The following EMC3 variants were observed in gnomAD, a reference collection of about 807,000 sequenced individuals.
EMC3 encodes the protein ER membrane protein complex subunit 3, also known as 30 kDa protein.
EMC3 carries 13 observed loss-of-function variants against 36.6 expected under a neutral mutation model. The ratio of observed to expected loss-of-function variants is 0.35; its 90% CI spans 0.23 to 0.56. EMC3 has a LOEUF of 0.56. Among genes scored for constraint, EMC3 ranks in the 20% least tolerant of loss-of-function variants. The probability of loss-of-function intolerance (pLI) is 0.84; values close to 1 mark genes in which losing one functional copy is unlikely to be tolerated. For missense variants in EMC3, 220 were observed against 324.5 expected (o/e 0.68, Z 2.47); for synonymous variants, 120 against 111.9 (o/e 1.07, Z -0.46).
intron 1 of EMC3, among the ~76,000 whole-genome samples, chr3:10,001,787 G>A (rs1015192377): frequency 6.6e-6 from 1 of 152,032 alleles, no homozygotes; most frequent in Non-Finnish European, 1.5e-5. Context: ...CACGAGTTCA[G>A]GAGACTGAGA....
At chr3:10,001,597 C>T (rs1047179084) in intron 1 of EMC3, among the ~76,000 whole-genome samples, 2 of 150,152 alleles carry the variant, frequency 1.3e-5, no homozygotes, top group Non-Finnish European at 3.0e-5. Context: ...AACAATTTGT[C>T]ACATATATGA....
Position 9,972,932 on chromosome 3 carries a change from C to A in EMC3, c.494+696G>T, listed in dbSNP as rs181964084. Among the ~76,000 whole-genome samples, 226 of 133,412 alleles carry A rather than the reference C, an allele frequency of 1.7e-3. No homozygotes were observed. In the Middle Eastern group the frequency reaches 0.042, roughly 25 times the overall value. The allele number at this position is 133,412 out of a possible 152,430, so 87.5% of individuals were successfully genotyped here. On this transcript the variant is annotated intron_variant, in intron 5 of 7. Coordinates refer to ENST00000245046, the MANE Select transcript of EMC3 (RefSeq NM_001394674.1). ...CAAGCTCCGCCTCCTGGGTTCATGC[C>A]ATTCTCCTGCCTCAGCCTCCTGAGT...
At chr3:9,996,793 G>T (rs1196773364) in intron 1 of EMC3, among the ~76,000 whole-genome samples, 1 of 152,094 alleles carries the variant, frequency 6.6e-6, no homozygotes, top group East Asian at 1.9e-4. Context: ...GATGTTCTGA[G>T]AATTTACAAA....
rs13061757 is a variant in EMC3, at chr3:9,964,010, A to T, written c.*59T>A. The T allele has an allele frequency of 0.017, 26,351 of 1,593,956 alleles. 324 individuals are homozygous for T. The highest frequency in any genetic ancestry group is 0.017 in the Non-Finnish European group (20,441 of 1,169,418). ...ATTTCAAGAGGTGCCAGCTCCAAAC[A>T]AAGTTACAAGGTTAAGTGCAACTCC... On this transcript the variant is annotated 3_prime_UTR_variant, in exon 8 of 8. Transcript: ENST00000245046.
chr3:9,962,950 C>G lies in EMC3; in HGVS notation c.*1119G>C, dbSNP rs1050010193. 5.3e-5 allele frequency: 8 copies of G among 152,100 alleles called. No homozygotes were observed. Among genetic ancestry groups the G allele is most frequent in the Admixed American group, 2.0e-4 (3 of 15,254 alleles). The allele number at this position is 152,100 out of a possible 1,614,324, so 9.4% of individuals were successfully genotyped here. A position where few individuals can be genotyped will look rare whatever the true frequency, so the allele number is the denominator to read the frequency against. ...CCTTCATCCAAAGGAGTAGCCATTT[C>G]CAGTATAGCACCACTGATTTGTCAA... On this transcript the variant is annotated 3_prime_UTR_variant, in exon 8 of 8. Transcript: ENST00000245046.
rs61596273 is a variant in EMC3, at chr3:9,963,477, A to ATATATATATTTT, written c.*591_*592insAAAATATATATA. 1.2e-3 allele frequency: 110 copies of ATATATATATTTT among 88,868 alleles called. No individual in the cohort carries two copies. Among genetic ancestry groups the ATATATATATTTT allele is most frequent in the Non-Finnish European group, 1.9e-3 (86 of 46,230 alleles). The allele number at this position is 88,868 out of a possible 1,614,324, so 5.5% of individuals were successfully genotyped here. ...TAGATATATATATATATATATATAT[A>ATATATATATTTT]TTTTTTTTTTTTTTTCAGATGGAGT... On this transcript the variant is annotated 3_prime_UTR_variant, in exon 8 of 8. Transcript: ENST00000245046.
At chr3:10,009,523 T>C (rs2086301348) in intron 1 of EMC3, among the ~76,000 whole-genome samples, 1 of 152,158 alleles carries the variant, frequency 6.6e-6, no homozygotes, top group Non-Finnish European at 1.5e-5. Context: ...GAATTCTTCC[T>C]GAAAAAGGTG....
At chr3:10,002,307 G>GTT (rs1553604640) in intron 1 of EMC3, among the ~76,000 whole-genome samples, 2 of 93,948 alleles carry the variant, frequency 2.1e-5, no homozygotes, top group African/African-American at 1.1e-4. Context: ...ATTTTATTTT[G>GTT]AGATAGTGTC....
chr3:9,992,452 T>A lies in EMC3; in HGVS notation c.-241-5550A>T, dbSNP rs541138957. On this transcript the variant is annotated intron_variant, in intron 1 of 8. Transcript: ENST00000470827. ...GGCTTATCCTTTTTGATGACTATAA[T>A]ATTTCAAAAATTAAAATTACTCCAT... Among the ~76,000 whole-genome samples, 4 of 152,320 alleles carry A rather than the reference T, an allele frequency of 2.6e-5. No homozygotes were observed. The South Asian group carries it at 6.2e-4, about 24-fold the overall frequency.
At chr3:9,997,508 G>A (rs2086141378) in intron 1 of EMC3, among the ~76,000 whole-genome samples, 1 of 152,138 alleles carries the variant, frequency 6.6e-6, no homozygotes, top group Non-Finnish European at 1.5e-5. Context: ...CCCCCACGCT[G>A]GAGCGCAGTG....
At chr3:9,982,294 G>A (rs780007268) in intron 1 of EMC3, among the ~76,000 whole-genome samples, 2 of 148,162 alleles carry the variant, frequency 1.3e-5, no homozygotes, top group Non-Finnish European at 3.0e-5. Context: ...TTGCTCTGCC[G>A]CCTAGGCTGG....
chr3:9,971,496 G>A (rs2085784743), intron 5 of EMC3, among the ~76,000 whole-genome samples: 1 of 152,164 alleles, frequency 6.6e-6, no homozygotes, highest in Admixed American at 6.5e-5. Flanking sequence ...TACTCCATAG[G>A]CTGCAGGTAA....
chr3:10,008,403 C>T (rs1235606340), intron 1 of EMC3: 2 of 1,367,492 alleles, frequency 1.5e-6, no homozygotes, highest in African/African-American at 3.0e-5. Flanking sequence ...CAAGTGTCTA[C>T]CTGGGCCGGC....
chr3:9,987,072 A>G (rs1018694627), upstream of EMC3: 1 of 905,028 alleles, frequency 1.1e-6, no homozygotes, highest in East Asian at 1.1e-4. Context: ...AAAATTAGCC[A>G]GGCGTGGTGG....
At chr3:10,004,564 T>C (rs940885878) in intron 1 of EMC3, 2 of 152,408 alleles carry the variant, frequency 1.3e-5, no homozygotes, top group Non-Finnish European at 2.9e-5. Context: ...AGCGGGCTCA[T>C]AGCATTCAGC....
chr3:9,996,915 TTTAA>T (rs1254678223), intron 1 of EMC3, among the ~76,000 whole-genome samples: 1 of 152,242 alleles, frequency 6.6e-6, no homozygotes, highest in Non-Finnish European at 1.5e-5. Context: ...TTCTTCATTA[TTTAA>T]TTTTTAATTT....
chr3:9,986,453 T>C, intron 1 of EMC3, 54 bp downstream of exon 1: 5 of 1,599,508 alleles, frequency 3.1e-6, no homozygotes, highest in Non-Finnish European at 3.4e-6. Context: ...TCCTGCACTT[T>C]TTTGCCCAAG....
At chr3:9,990,966 C>G (rs1360512936), upstream of EMC3, among the ~76,000 whole-genome samples, 1 of 151,746 alleles carries the variant, frequency 6.6e-6, no homozygotes, top group African/African-American at 2.4e-5. Flanking sequence ...GTAGTTGGGA[C>G]TATAGGCGCC....
intron 1 of EMC3, among the ~76,000 whole-genome samples, chr3:9,993,278 T>A (rs1300195136): frequency 6.6e-6 from 1 of 152,236 alleles, no homozygotes; most frequent in East Asian, 1.9e-4. Flanking sequence ...ATGGACCTAT[T>A]TGAACTATCA....
Sources: gnomAD v4.1 joint callset for allele counts (sites outside exome capture counted in the v4.1 genomes callset) on GRCh38, gnomAD v4.1.1 for gene constraint, MANE v1.5 for transcripts, NCBI Gene and HGNC (gene_info 2026-07-23, HGNC 2026-07-21) for gene names.